The following CHFR variants were observed in gnomAD, a reference collection of about 807,000 sequenced individuals.
CHFR encodes E3 ubiquitin-protein ligase CHFR.
In CHFR, 57 loss-of-function variants were observed where a neutral mutation model predicts 87.6. The ratio of observed to expected loss-of-function variants is 0.65; its 90% CI spans 0.53 to 0.81. The LOEUF (loss-of-function observed/expected upper bound fraction) is 0.81. Ranked by LOEUF, CHFR falls within the 30% of genes least tolerant of loss-of-function variation. The pLI is 0.00. For missense variants in CHFR, 797 were observed against 865.8 expected (o/e 0.92, Z 1.00); for synonymous variants, 381 against 359.2 (o/e 1.06, Z -0.69).
chr12:132,877,067 T>C (rs1217861134), intron 3 of CHFR, among the ~76,000 whole-genome samples: 1 of 152,172 alleles, frequency 6.6e-6, no homozygotes, highest in African/African-American at 2.4e-5. Context: ...AGTGCTGGGA[T>C]TACAGGTGTG....
At chr12:132,868,475 C>T (rs1315603010) in intron 6 of CHFR, among the ~76,000 whole-genome samples, 14 of 151,856 alleles carry the variant, frequency 9.2e-5, no homozygotes, top group African/African-American at 3.1e-4. Flanking sequence ...GCACTCCAGC[C>T]TGGGTGACAG....
chr12:132,838,294 G>C lies in CHFR; in HGVS notation c.*3260C>G, dbSNP rs1015802250. On this transcript the variant is annotated 3_prime_UTR_variant, in exon 18 of 18. Transcript: ENST00000450056. ...CAGATTTAAAACAGCCTTTGTAGCT[G>C]GCCTAGGGAGGAGGGTTGGCCTGAA... The C allele has an allele frequency of 1.3e-5, 2 of 152,302 alleles. No individual in the cohort carries two copies. Among genetic ancestry groups the C allele is most frequent in the African/African-American group, 4.8e-5 (2 of 41,466 alleles). The allele number at this position is 152,302 out of a possible 1,614,324, so 9.4% of individuals were successfully genotyped here.
At chr12:132,858,404 C>T (rs993180503) in intron 8 of CHFR, among the ~76,000 whole-genome samples, 5 of 150,868 alleles carry the variant, frequency 3.3e-5, no homozygotes, top group Admixed American at 1.3e-4. Context: ...GGCTACATGG[C>T]GAAACCGTCT....
In CHFR at chr12:132,839,166, A is replaced by G. The variant is rs1433891462; in HGVS notation, c.*2388T>C. 6.5e-6 allele frequency: 1 copy of G among 152,696 alleles called. No individual in the cohort carries two copies. The highest frequency in any genetic ancestry group is 1.9e-4 in the East Asian group (1 of 5,196). The allele number at this position is 152,696 out of a possible 1,614,324, so 9.5% of individuals were successfully genotyped here. A position where few individuals can be genotyped will look rare whatever the true frequency, so the allele number is the denominator to read the frequency against. On this transcript the variant is annotated 3_prime_UTR_variant, in exon 18 of 18. Transcript: ENST00000450056. The stretch of plus-strand genomic sequence containing the variant: ...CTACAGGGCAAGTGTTCTTGTTTCT[A>G]CTTTTTGGAGATGGGAAGGGGAAGA...
intron 11 of CHFR, among the ~76,000 whole-genome samples, chr12:132,852,263 C>T (rs571007991): frequency 6.6e-6 from 1 of 152,086 alleles, no homozygotes; most frequent in East Asian, 1.9e-4. Flanking sequence ...GCTGGGATTA[C>T]AGGCATGAGC....
At position 132,887,329 on chromosome 12, in the gene CHFR, CG is replaced by C. The variant is rs1000300479; in HGVS notation, c.-2del. 2 of 1,464,576 alleles carry C rather than the reference CG, an allele frequency of 1.4e-6. No individual in the cohort carries two copies. Among genetic ancestry groups the C allele is most frequent in the African/African-American group, 1.5e-5 (1 of 67,826 alleles). 90.7% of individuals were successfully genotyped at this position (1,464,576 alleles called of 1,614,324 possible). ...GCTTGCCTTCCTCGGGCCGCTCCATCGGGATTCACATCTGCGGAGACCCCGG... is the reference window on the plus strand; with the variant it reads ...GCTTGCCTTCCTCGGGCCGCTCCATCGGATTCACATCTGCGGAGACCCCGG... On this transcript the variant is annotated 5_prime_UTR_variant, in exon 2 of 18. Transcript: ENST00000450056.
chr12:132,883,758 A>G (rs1951821691), intron 2 of CHFR, among the ~76,000 whole-genome samples: 1 of 152,268 alleles, frequency 6.6e-6, no homozygotes, highest in African/African-American at 2.4e-5. Context: ...CACGTTACCT[A>G]GGCTTTCCCT....
At chr12:132,859,533 G>A (rs1167175874) in intron 7 of CHFR, among the ~76,000 whole-genome samples, 1 of 152,034 alleles carries the variant, frequency 6.6e-6, no homozygotes, top group Non-Finnish European at 1.5e-5. Flanking sequence ...TGTATTTTTA[G>A]TAGAGACAGG....
Position 132,862,086 on chromosome 12 carries a change from A to G in CHFR, c.584-452T>C, listed in dbSNP as rs1270165567. 2.0e-5 allele frequency among the ~76,000 whole-genome samples: 3 copies of G among 152,308 alleles called. No homozygotes were observed. The East Asian group carries it at 5.8e-4, about 29-fold the overall frequency. ...TCAGGAGGTCGAGACCAGCCTGGCC[A>G]ACATGGTGAAACCCCATCTCTACTA... On this transcript the variant is annotated intron_variant, in intron 6 of 17. Coordinates refer to ENST00000450056, the MANE Select transcript of CHFR (RefSeq NM_001161346.2).
At chr12:132,865,469 C>T (rs1180380622) in intron 6 of CHFR, among the ~76,000 whole-genome samples, 3 of 151,848 alleles carry the variant, frequency 2.0e-5, no homozygotes, top group African/African-American at 7.3e-5. Flanking sequence ...ATCCTCCTCT[C>T]TCAGGTGAAA....
chr12:132,846,163 T>C (rs964361776), intron 15 of CHFR, among the ~76,000 whole-genome samples: 4 of 152,064 alleles, frequency 2.6e-5, no homozygotes, highest in African/African-American at 9.7e-5. Context: ...ACTGCTGTAG[T>C]GAGGGTCTCA....
At chr12:132,848,906 C>T (rs984376620) in intron 12 of CHFR, 182 bp from the exon 13 acceptor site, 3 of 553,006 alleles carry the variant, frequency 5.4e-6, no homozygotes, top group South Asian at 5.2e-5. Context: ...ACTGTGATGG[C>T]GAGGAGTTGT....
chr12:132,884,213 GTTCAA>G (rs1368808647), intron 2 of CHFR, among the ~76,000 whole-genome samples: 1 of 152,094 alleles, frequency 6.6e-6, no homozygotes, highest in Non-Finnish European at 1.5e-5. Flanking sequence ...GAGGTCAGGA[GTTCAA>G]GACCAGCCTG....
intron 13 of CHFR, 81 bp downstream of exon 13, chr12:132,848,560 A>G: frequency 9.3e-7 from 1 of 1,073,874 alleles, no homozygotes; most frequent in African/African-American, 1.6e-5. Flanking sequence ...CAGGCTATGG[A>G]CCCCACCATC....
At chr12:132,861,731 CA>C in intron 6 of CHFR, 97 bp from the exon 7 acceptor site, 1 of 1,158,908 alleles carries the variant, frequency 8.6e-7, no homozygotes, top group Non-Finnish European at 1.2e-6. Context: ...GTGCAGCTGG[CA>C]GCCTGAGATG....
At chr12:132,879,104 A>C (rs538499840) in intron 2 of CHFR, among the ~76,000 whole-genome samples, 1 of 149,222 alleles carries the variant, frequency 6.7e-6, no homozygotes, top group African/African-American at 2.5e-5. Flanking sequence ...TCCCAGGTTC[A>C]AGCCATTCTC....
chr12:132,870,594 A>G, intron 5 of CHFR, 130 bp downstream of exon 5: 1 of 555,700 alleles, frequency 1.8e-6, no homozygotes, highest in Non-Finnish European at 3.2e-6. Flanking sequence ...CAGGAGGCGG[A>G]GGCTGCAGTG....
rs1332824647 is a variant in CHFR at position 132,840,018 on chromosome 12, CA to C, written c.*1535del. 1 of 165,080 alleles carries C rather than the reference CA, an allele frequency of 6.1e-6. No individual in the cohort carries two copies. The highest frequency in any genetic ancestry group is 1.3e-5 in the Non-Finnish European group (1 of 75,674). 10.2% of individuals were successfully genotyped at this position (165,080 alleles called of 1,614,324 possible). On this transcript the variant is annotated 3_prime_UTR_variant, in exon 18 of 18. Transcript: ENST00000450056. ...CTCCCTGCTCAGCCTCGCCCCTACA[CA>C]AACTCGGGACCTCCCCTCCCGGCCT...
chr12:132,869,832 C>A (rs997424313), intron 5 of CHFR, 34 bp from the exon 6 acceptor site: 64 of 1,550,466 alleles, frequency 4.1e-5, no homozygotes, highest in Non-Finnish European at 5.1e-5. Context: ...TCCTTGTTAG[C>A]TTCTGTAACC....
Sources: allele counts gnomAD v4.1 joint callset (sites outside exome capture counted in the v4.1 genomes callset), GRCh38; gene constraint gnomAD v4.1.1; transcripts MANE v1.5; gene names NCBI Gene and HGNC (gene_info 2026-07-23, HGNC 2026-07-21).